The following STAT1 variants were observed in gnomAD, a reference collection of about 807,000 sequenced individuals.
STAT1 encodes the protein signal transducer and activator of transcription 1.
In STAT1, 24 loss-of-function variants were observed where a neutral mutation model predicts 111.7. That is an observed-to-expected ratio of 0.21 (90% CI 0.16 to 0.30). STAT1 has a LOEUF of 0.30. Ranked by LOEUF, STAT1 falls within the 10% of genes least tolerant of loss-of-function variation. The pLI, the probability that STAT1 is intolerant of heterozygous loss-of-function variation, is 1.00. For synonymous variants in STAT1, 332 were observed against 326.5 expected (o/e 1.02, Z -0.18); for missense variants, 351 against 911.9 (o/e 0.38, Z 7.92).
Position 190,978,447 on chromosome 2 carries a change from T to C in STAT1, c.1873+409A>G, listed in dbSNP as rs2125005482. On this transcript the variant is annotated intron_variant, in intron 21 of 24. Transcript: ENST00000361099. The surrounding 1 kb of genome is among the most constrained non-coding windows in gnomAD (Gnocchi z 6.1). ...CCTGCATCAACTCCCTGGCTGATGATGTGTATGAAGTCTTCTCCCGAAGCC... is the reference window on the plus strand; with the variant it reads ...CCTGCATCAACTCCCTGGCTGATGACGTGTATGAAGTCTTCTCCCGAAGCC... The C allele has an allele frequency of 3.7e-6, 1 of 267,262 alleles. No individual in the cohort carries two copies. The highest frequency in any genetic ancestry group is 1.4e-3 in the Middle Eastern group (1 of 712). The allele number at this position is 267,262 out of a possible 1,614,324, so 16.6% of individuals were successfully genotyped here.
chr2:190,995,873 G>A lies in STAT1; in HGVS notation c.786-654C>T, dbSNP rs1192849892. Among the ~76,000 whole-genome samples, 1 of 152,188 alleles carries A rather than the reference G, an allele frequency of 6.6e-6. No individual in the cohort carries two copies. On this transcript the variant is annotated intron_variant, in intron 9 of 24. Coordinates refer to ENST00000361099, the MANE Select transcript of STAT1 (RefSeq NM_007315.4). This position sits in a 1 kb window ranked among gnomAD's most constrained non-coding sequence, Gnocchi z 4.2. Reference sequence around the variant, plus strand: ...AGATGGGTGGAGGCAGGGCTTCTAGGTGATCTGTGACTGGTGCAGGGCAAA... The same window carrying A: ...AGATGGGTGGAGGCAGGGCTTCTAGATGATCTGTGACTGGTGCAGGGCAAA...
In STAT1 at chr2:190,975,923, C is replaced by G. The variant is rs1345273036; in HGVS notation, c.2060-36G>C. On this transcript the variant is annotated intron_variant, in intron 22 of 24. Coordinates refer to ENST00000361099, the MANE Select transcript of STAT1 (RefSeq NM_007315.4). This position sits in a 1 kb window ranked among gnomAD's most constrained non-coding sequence, Gnocchi z 5.9. ...ACACATTGTGTACGCTTTCCATCAA[C>G]CGAAATTCCATCAGAATACAACATC... 1 of 1,564,730 alleles carries G rather than the reference C, an allele frequency of 6.4e-7. No homozygotes were observed. The highest frequency in any genetic ancestry group is 8.8e-7 in the Non-Finnish European group (1 of 1,135,606).
rs775604538 is a variant in STAT1 at position 190,984,115 on chromosome 2, A to T, written c.1347+195T>A. 1.8e-4 allele frequency among the ~76,000 whole-genome samples: 27 copies of T among 152,328 alleles called. No individual in the cohort carries two copies. Among genetic ancestry groups the T allele is most frequent in the Non-Finnish European group, 3.2e-4 (22 of 68,032 alleles). On this transcript the variant is annotated intron_variant, in intron 16 of 24. Transcript: ENST00000361099. This position sits in a 1 kb window ranked among gnomAD's most constrained non-coding sequence, Gnocchi z 5.2. ...CGATCTCAACTGGAACTTTTAAGTT[A>T]TTGAATTTGAAGGTTAATTCAATTG...
In STAT1 at chr2:191,003,805, C is replaced by G. The variant is rs936347387; in HGVS notation, c.373-2642G>C. Among the ~76,000 whole-genome samples the G allele has an allele frequency of 6.6e-6, 1 of 152,182 alleles. No homozygotes were observed. Among genetic ancestry groups the G allele is most frequent in the African/African-American group, 2.4e-5 (1 of 41,438 alleles). On this transcript the variant is annotated intron_variant, in intron 5 of 24. Transcript: ENST00000361099. This position sits in a 1 kb window ranked among gnomAD's most constrained non-coding sequence, Gnocchi z 4.0. ...CAGACTAATACAACTTCTAAGCCAG[C>G]AGGATGTGGGCACGGTGTCCTGTGG...
At position 191,007,532 on chromosome 2, in the gene STAT1, A is replaced by T; in HGVS notation, c.372+31T>A. ...TGAATGAATACATTTTTATTTTATTACAGTTTATGTGTTCAATGAGAAAAA... is the reference window on the plus strand; with the variant it reads ...TGAATGAATACATTTTTATTTTATTTCAGTTTATGTGTTCAATGAGAAAAA... On this transcript the variant is annotated intron_variant, in intron 5 of 24. Transcript: ENST00000361099. The surrounding 1 kb of genome is among the most constrained non-coding windows in gnomAD (Gnocchi z 4.2). 6.8e-7 allele frequency: 1 copy of T among 1,475,736 alleles called. No individual in the cohort carries two copies. Among genetic ancestry groups the T allele is most frequent in the Non-Finnish European group, 9.5e-7 (1 of 1,055,236 alleles). The allele number at this position is 1,475,736 out of a possible 1,614,324, so 91.4% of individuals were successfully genotyped here.
intron 5 of STAT1, among the ~76,000 whole-genome samples, chr2:191,002,909 C>T (rs1034979810): frequency 1.3e-5 from 2 of 151,974 alleles, no homozygotes; most frequent in African/African-American, 4.8e-5. Context: ...ATGCTTTTTT[C>T]TCCTTGTAGC....
chr2:191,013,004 G>C, intron 2 of STAT1, among the ~76,000 whole-genome samples: 1 of 152,216 alleles, frequency 6.6e-6, no homozygotes, highest in East Asian at 1.9e-4. Flanking sequence ...TGCCTCCAGA[G>C]TCCCCGGCGG....
chr2:190,998,124 G>T lies in STAT1; in HGVS notation c.633+93C>A. 1 of 1,557,420 alleles carries T rather than the reference G, an allele frequency of 6.4e-7. No homozygotes were observed. The highest frequency in any genetic ancestry group is 8.8e-7 in the Non-Finnish European group (1 of 1,133,110). ...ATTCTCAACTGGGGCTCTAAGCCAG[G>T]TGGCTATAATTTTTCCTCTCTTCTA... is the stretch of plus-strand genomic sequence containing the variant. On this transcript the variant is annotated intron_variant, in intron 8 of 24. Transcript: ENST00000361099. The surrounding 1 kb of genome is among the most constrained non-coding windows in gnomAD (Gnocchi z 4.1).
chr2:190,973,705 T>C lies in STAT1; in HGVS notation c.2238+1125A>G, dbSNP rs1691675582. Among the ~76,000 whole-genome samples the C allele has an allele frequency of 6.6e-6, 1 of 152,202 alleles. No individual in the cohort carries two copies. Among genetic ancestry groups the C allele is most frequent in the South Asian group, 2.1e-4 (1 of 4,828 alleles). ...AAAAGGTTCATTTTACACTTGCCAA[T>C]AGGAATGAAACTATTTCGCTGCCAC... On this transcript the variant is annotated intron_variant, in intron 24 of 24. Coordinates refer to ENST00000361099, the MANE Select transcript of STAT1 (RefSeq NM_007315.4). The surrounding 1 kb of genome is among the most constrained non-coding windows in gnomAD (Gnocchi z 4.4).
At chr2:191,002,354 T>A (rs957275232) in intron 5 of STAT1, among the ~76,000 whole-genome samples, 4 of 152,210 alleles carry the variant, frequency 2.6e-5, no homozygotes, top group African/African-American at 9.6e-5. Flanking sequence ...TCTAGATTTT[T>A]CTCTTCTTTC....
chr2:190,978,777 G>A lies in STAT1; in HGVS notation c.1873+79C>T. 6.4e-7 allele frequency: 1 copy of A among 1,567,590 alleles called. No individual in the cohort carries two copies. The highest frequency in any genetic ancestry group is 1.2e-5 in the South Asian group (1 of 86,524). The stretch of plus-strand genomic sequence containing the variant: ...ATTTCATGTCCCAAACGCACTATCT[G>A]TATGAGCTGACTGGCGGCGATGAAG... On this transcript the variant is annotated intron_variant, in intron 21 of 24. Transcript: ENST00000361099. This position sits in a 1 kb window ranked among gnomAD's most constrained non-coding sequence, Gnocchi z 6.1.
chr2:191,013,925 C>T (rs1220997137), intron 1 of STAT1, 93 bp downstream of exon 1: 2 of 354,118 alleles, frequency 5.6e-6, no homozygotes, highest in East Asian at 4.0e-5. Flanking sequence ...TCAGCACAGA[C>T]GGCCCGTCCT....
In STAT1 at chr2:190,995,624, G is replaced by C. The variant is rs1434982415; in HGVS notation, c.786-405C>G. 6.6e-6 allele frequency among the ~76,000 whole-genome samples: 1 copy of C among 152,194 alleles called. No homozygotes were observed. The highest frequency in any genetic ancestry group is 1.5e-5 in the Non-Finnish European group (1 of 68,038). On this transcript the variant is annotated intron_variant, in intron 9 of 24. Transcript: ENST00000361099. This position sits in a 1 kb window ranked among gnomAD's most constrained non-coding sequence, Gnocchi z 4.2. ...TATTACAATTCAAGGTGAGATTTGG[G>C]TGGGGACACGGCCAAACCATATGGC...
rs1428853625 is a variant in STAT1, at chr2:190,984,444, A to T, written c.1264-51T>A. ...AAGAATATAATTATTCACAGATCCTAAAACTTTCAAAAGCCCAATTAACAT... is the reference window on the plus strand; with the variant it reads ...AAGAATATAATTATTCACAGATCCTTAAACTTTCAAAAGCCCAATTAACAT... On this transcript the variant is annotated intron_variant, in intron 15 of 24. Coordinates refer to ENST00000361099, the MANE Select transcript of STAT1 (RefSeq NM_007315.4). The surrounding 1 kb of genome is among the most constrained non-coding windows in gnomAD (Gnocchi z 5.2). 1 of 1,527,590 alleles carries T rather than the reference A, an allele frequency of 6.5e-7. No homozygotes were observed. The highest frequency in any genetic ancestry group is 1.4e-5 in the African/African-American group (1 of 73,212). 94.6% of individuals were successfully genotyped at this position (1,527,590 alleles called of 1,614,324 possible).
rs45462596 is a variant in STAT1 at position 190,980,985 on chromosome 2, C to G, written c.1583-316G>C. Among the ~76,000 whole-genome samples the G allele has an allele frequency of 3.9e-5, 6 of 152,242 alleles. No individual in the cohort carries two copies. The South Asian group carries it at 8.3e-4, about 21-fold the overall frequency. On this transcript the variant is annotated intron_variant, in intron 18 of 24. Transcript: ENST00000361099. The surrounding 1 kb of genome is among the most constrained non-coding windows in gnomAD (Gnocchi z 6.1). The stretch of plus-strand genomic sequence containing the variant: ...TAGGGAAAGCGGAAACATCACAAAG[C>G]CTTACCATCTGCTCTCTCCCTCCCC...
At chr2:190,994,817 G>C (rs990829191) in intron 10 of STAT1, among the ~76,000 whole-genome samples, 1 of 151,304 alleles carries the variant, frequency 6.6e-6, no homozygotes, top group Non-Finnish European at 1.5e-5. Flanking sequence ...TTGGGAGGCT[G>C]AGGCAGGAGG....
intron 10 of STAT1, among the ~76,000 whole-genome samples, chr2:190,991,701 G>GTT (rs765208223): frequency 8.1e-6 from 1 of 122,828 alleles, no homozygotes. Context: ...TTTACAATTT[G>GTT]TTTTTTTTTT....
rs1474954341 is a variant in STAT1 at position 191,004,437 on chromosome 2, GGAGT to G, written c.372+3122_372+3125del. On this transcript the variant is annotated intron_variant, in intron 5 of 24. Coordinates refer to ENST00000361099, the MANE Select transcript of STAT1 (RefSeq NM_007315.4). This position sits in a 1 kb window ranked among gnomAD's most constrained non-coding sequence, Gnocchi z 5.0. ...GCTCAGGAAGGGGGTCCTTTCCAAT[GGAGT>G]GAGCAGTTGTCCAAGTAAGGGAATA... Among the ~76,000 whole-genome samples, 2 of 152,082 alleles carry G rather than the reference GGAGT, an allele frequency of 1.3e-5. No homozygotes were observed. Among genetic ancestry groups the G allele is most frequent in the Admixed American group, 6.5e-5 (1 of 15,284 alleles).
chr2:190,985,747 T>A, intron 14 of STAT1, 87 bp from the exon 15 acceptor site: 1 of 1,383,476 alleles, frequency 7.2e-7, no homozygotes, highest in Non-Finnish European at 1.0e-6. Flanking sequence ...AAGTTAGGAC[T>A]AGAAAGAATG....
Sources: allele counts gnomAD v4.1 joint callset (sites outside exome capture counted in the v4.1 genomes callset), GRCh38; gene constraint gnomAD v4.1.1; non-coding constraint Gnocchi (gnomAD v3.1); transcripts MANE v1.5; gene names NCBI Gene and HGNC (gene_info 2026-07-23, HGNC 2026-07-21).